Variants in ITM2C observed in about 807,000 individuals in gnomAD.
The protein encoded by ITM2C is BRICHOS domain containing 2C.
A neutral mutation model predicts 30.0 loss-of-function variants in ITM2C; 20 were observed. The observed-to-expected ratio is 0.67, with a 90% CI of 0.47 to 0.97. The LOEUF (loss-of-function observed/expected upper bound fraction) is 0.97. ITM2C is among the 50% of genes least tolerant of loss of function. ITM2C has a pLI of 0.00. For missense variants in ITM2C, 366 were observed against 371.9 expected, an observed-to-expected ratio of 0.98 and a Z score of 0.13; for synonymous variants, 167 against 156.4, an observed-to-expected ratio of 1.07 and a Z score of -0.51.
In ITM2C at chr2:230,877,977, G is replaced by T; in HGVS notation, c.713-31G>T. The stretch of plus-strand genomic sequence containing the variant: ...TCTTTGTGACTCAGCCAGGATGCAG[G>T]GCTCACTGGGGTTTTTCTTTTTCCT... On this transcript the variant is annotated intron_variant, in intron 5 of 5. Coordinates refer to ENST00000326427, the MANE Select transcript of ITM2C (RefSeq NM_030926.6). The surrounding 1 kb of genome is among the most constrained non-coding windows in gnomAD (Gnocchi z 4.8). 6.4e-7 allele frequency: 1 copy of T among 1,561,648 alleles called. No homozygotes were observed. Among genetic ancestry groups the T allele is most frequent in the Non-Finnish European group, 8.8e-7 (1 of 1,132,890 alleles).
At position 230,876,858 on chromosome 2, in the gene ITM2C, G is replaced by T; in HGVS notation, c.452G>T (p.Gly151Val). 9 of 1,609,922 alleles carry T rather than the reference G, an allele frequency of 5.6e-6. No homozygotes were observed. The highest frequency in any genetic ancestry group is 7.7e-6 in the Non-Finnish European group (9 of 1,176,308). Residue 151 changes from glycine to valine, a missense_variant and splice_region_variant, in exon 4 of 6, where the codon GGT (glycine) becomes GTT (valine). Coordinates refer to ENST00000326427, the MANE Select transcript of ITM2C (RefSeq NM_030926.6). ...PADIIHDFQR[G>V]LTAYHDISLD... The stretch of plus-strand genomic sequence containing the variant: ...TGACCCAACCCCTTCTCCTGCCAGG[G>T]TCTGACTGCGTACCATGATATCTCC...
At chr2:230,867,859 A>G (rs1315613350) in intron 1 of ITM2C, among the ~76,000 whole-genome samples, 1 of 152,076 alleles carries the variant, frequency 6.6e-6, no homozygotes, top group Admixed American at 6.5e-5. Context: ...GGGTTTCACC[A>G]TGTTGGCCAG....
intron 3 of ITM2C, 72 bp downstream of exon 3, chr2:230,875,880 A>G: frequency 7.9e-7 from 1 of 1,262,106 alleles, no homozygotes; most frequent in South Asian, 1.4e-5. Context: ...GGGAGCAGGG[A>G]TGAAAGGAGA....
At chr2:230,867,715 C>T (rs1489186658) in intron 1 of ITM2C, among the ~76,000 whole-genome samples, 1 of 151,204 alleles carries the variant, frequency 6.6e-6, no homozygotes, top group South Asian at 2.1e-4. Flanking sequence ...GCTAGAGTTC[C>T]GTGGCACGAT....
chr2:230,873,218 T>C, intron 1 of ITM2C, 199 bp from the exon 2 acceptor site: 1 of 464,416 alleles, frequency 2.2e-6, no homozygotes, highest in East Asian at 3.4e-5. Context: ...TTTCGAGGTT[T>C]GTCTCGGTTT....
Position 230,878,192 on chromosome 2 carries a change from T to A in ITM2C, c.*93T>A. The A allele has an allele frequency of 1.2e-6, 1 of 847,096 alleles. No homozygotes were observed. The highest frequency in any genetic ancestry group is 3.3e-4 in the Middle Eastern group (1 of 3,026). 52.5% of individuals were successfully genotyped at this position (847,096 alleles called of 1,614,324 possible). A position where few individuals can be genotyped will look rare whatever the true frequency, so the allele number is the denominator to read the frequency against. ...CTCCTTCCCCCTGCTTAGCTTGTACTTTGGACGCGTTTCTATAGAGGTGAC... is the reference window on the plus strand; with the variant it reads ...CTCCTTCCCCCTGCTTAGCTTGTACATTGGACGCGTTTCTATAGAGGTGAC... On this transcript the variant is annotated 3_prime_UTR_variant, in exon 6 of 6. Transcript: ENST00000326427. The surrounding 1 kb of genome is among the most constrained non-coding windows in gnomAD (Gnocchi z 4.5).
Position 230,875,825 on chromosome 2 carries a change from C to T in ITM2C, c.450+17C>T, listed in dbSNP as rs564628080. On this transcript the variant is annotated intron_variant, in intron 3 of 5. Coordinates refer to ENST00000326427, the MANE Select transcript of ITM2C (RefSeq NM_030926.6). ...TTCCAGCGGGTGAGGCTGGCCAGGG[C>T]CTGGGGGTGGGGGGTGGGAGGGTGT... is the stretch of plus-strand genomic sequence containing the variant. 4 of 1,331,508 alleles carry T rather than the reference C, an allele frequency of 3.0e-6. No homozygotes were observed. Among genetic ancestry groups the T allele is most frequent in the Admixed American group, 2.8e-5 (1 of 35,104 alleles). 82.5% of individuals were successfully genotyped at this position (1,331,508 alleles called of 1,614,324 possible).
Position 230,865,029 on chromosome 2 carries a change from G to A in ITM2C, c.4G>A (p.Val2Met). Residue 2 changes from valine (V) to methionine (M), a missense_variant, in exon 1 of 6, where the codon GTG becomes ATG. Coordinates refer to ENST00000326427, the MANE Select transcript of ITM2C (RefSeq NM_030926.6). This position sits in a 1 kb window ranked among gnomAD's most constrained non-coding sequence, Gnocchi z 6.8. M[V>M]KISFQPAVAG... ...GGACGCGCGGGCCGGCGCAGCCATG[G>A]TGAAGATTAGCTTCCAGCCCGCCGT... is the stretch of plus-strand genomic sequence containing the variant. The A allele has an allele frequency of 6.6e-7, 1 of 1,515,506 alleles. No individual in the cohort carries two copies. The highest frequency in any genetic ancestry group is 8.9e-7 in the Non-Finnish European group (1 of 1,125,154). The allele number at this position is 1,515,506 out of a possible 1,614,324, so 93.9% of individuals were successfully genotyped here. A position where few individuals can be genotyped will look rare whatever the true frequency, so the allele number is the denominator to read the frequency against.
chr2:230,865,250 A>G lies in ITM2C; in HGVS notation c.120+105A>G. 1 of 1,189,650 alleles carries G rather than the reference A, an allele frequency of 8.4e-7. No homozygotes were observed. Among genetic ancestry groups the G allele is most frequent in the Admixed American group, 4.0e-5 (1 of 24,782 alleles). 73.7% of individuals were successfully genotyped at this position (1,189,650 alleles called of 1,614,324 possible). On this transcript the variant is annotated intron_variant, in intron 1 of 5. Coordinates refer to ENST00000326427, the MANE Select transcript of ITM2C (RefSeq NM_030926.6). The surrounding 1 kb of genome is among the most constrained non-coding windows in gnomAD (Gnocchi z 6.8). ...TGCCCGAGGCGCGTCAGGGCCCCAG[A>G]GCCCGGGGTGGAGCAGGGTTGGGAA...
intron 1 of ITM2C, among the ~76,000 whole-genome samples, chr2:230,869,105 C>T (rs927704630): frequency 6.6e-6 from 1 of 152,246 alleles, no homozygotes; most frequent in African/African-American, 2.4e-5. Context: ...GAGGCACAAC[C>T]TGGCCAGCCC....
At position 230,871,964 on chromosome 2, in the gene ITM2C, A is replaced by G. The variant is rs569957079; in HGVS notation, c.121-1453A>G. ...GGACCCCTGTGCTGTGCTGAGAGAT[A>G]GGGCCTGTCCTGAGTCACTTAGGCC... On this transcript the variant is annotated intron_variant, in intron 1 of 5. Transcript: ENST00000326427. Among the ~76,000 whole-genome samples, 19 of 152,370 alleles carry G rather than the reference A, an allele frequency of 1.2e-4. 1 individual carries two copies. Among genetic ancestry groups the G allele is most frequent in the Middle Eastern group, 3.4e-3 (1 of 294 alleles).
At chr2:230,866,890 G>A (rs924350183) in intron 1 of ITM2C, among the ~76,000 whole-genome samples, 2 of 152,272 alleles carry the variant, frequency 1.3e-5, no homozygotes, top group East Asian at 1.9e-4. Context: ...TTGCAGGAGC[G>A]GCACATTCTC....
chr2:230,866,357 C>G (rs1574587357), intron 1 of ITM2C, among the ~76,000 whole-genome samples: 1 of 152,210 alleles, frequency 6.6e-6, no homozygotes. Flanking sequence ...CAGGTTCAGT[C>G]TTGCCTGGGG....
Position 230,865,271 on chromosome 2 carries a change from G to T in ITM2C, c.120+126G>T. The T allele has an allele frequency of 2.9e-6, 3 of 1,035,784 alleles. No homozygotes were observed. Among genetic ancestry groups the T allele is most frequent in the Non-Finnish European group, 3.8e-6 (3 of 795,302 alleles). 64.2% of individuals were successfully genotyped at this position (1,035,784 alleles called of 1,614,324 possible). ...CCAGAGCCCGGGGTGGAGCAGGGTT[G>T]GGAAGTCTCGAATGGTTGCTTATCC... On this transcript the variant is annotated intron_variant, in intron 1 of 5. Coordinates refer to ENST00000326427, the MANE Select transcript of ITM2C (RefSeq NM_030926.6). This position sits in a 1 kb window ranked among gnomAD's most constrained non-coding sequence, Gnocchi z 6.8.
chr2:230,874,506 C>T (rs559833324), intron 2 of ITM2C, among the ~76,000 whole-genome samples: 14 of 152,260 alleles, frequency 9.2e-5, no homozygotes, highest in South Asian at 4.1e-4. Flanking sequence ...GTTCCACCCT[C>T]GACTCACACC....
rs1330538990 is a variant in ITM2C, at chr2:230,878,113, C to G, written c.*14C>G. 9 of 1,552,692 alleles carry G rather than the reference C, an allele frequency of 5.8e-6. No homozygotes were observed. Among genetic ancestry groups the G allele is most frequent in the Middle Eastern group, 1.7e-4 (1 of 5,754 alleles). ...GGGGTGGTGTGAGGCCCTCCTCCCCCAGAACCCCCTGCCGTGTTCCTCTTT... is the reference window on the plus strand; with the variant it reads ...GGGGTGGTGTGAGGCCCTCCTCCCCGAGAACCCCCTGCCGTGTTCCTCTTT... On this transcript the variant is annotated 3_prime_UTR_variant, in exon 6 of 6. Coordinates refer to ENST00000326427, the MANE Select transcript of ITM2C (RefSeq NM_030926.6). This position sits in a 1 kb window ranked among gnomAD's most constrained non-coding sequence, Gnocchi z 4.5.
At position 230,877,611 on chromosome 2, in the gene ITM2C, C is replaced by T. The variant is rs940252009; in HGVS notation, c.712+61C>T. ...CCGTGCCCCAGACCACAGTTATCTT[C>T]ACGCCTAGCCCAGCTGTCAGAGAGC... On this transcript the variant is annotated intron_variant, in intron 5 of 5. Transcript: ENST00000326427. This position sits in a 1 kb window ranked among gnomAD's most constrained non-coding sequence, Gnocchi z 4.8. The T allele has an allele frequency of 3.8e-6, 6 of 1,567,764 alleles. No individual in the cohort carries two copies. Among genetic ancestry groups the T allele is most frequent in the Non-Finnish European group, 4.4e-6 (5 of 1,144,950 alleles).
chr2:230,874,181 G>A (rs1036225610), intron 2 of ITM2C, among the ~76,000 whole-genome samples: 2 of 152,164 alleles, frequency 1.3e-5, no homozygotes, highest in South Asian at 4.1e-4. Context: ...GAACCTCAGG[G>A]TGACAAAGAG....
intron 1 of ITM2C, among the ~76,000 whole-genome samples, chr2:230,870,880 TC>T (rs371781648): frequency 6.3e-4 from 95 of 151,122 alleles, no homozygotes; most frequent in African/African-American, 1.1e-3. Flanking sequence ...TTTTTTTTTT[TC>T]CCTTTTCTGT....
Sources: gnomAD v4.1 joint callset for allele counts (sites outside exome capture counted in the v4.1 genomes callset) on GRCh38, gnomAD v4.1.1 for gene constraint, Gnocchi (gnomAD v3.1) non-coding constraint, MANE v1.5 for transcripts, NCBI Gene and HGNC (gene_info 2026-07-23, HGNC 2026-07-21) for gene names.